Variants in SDK1 observed in about 807,000 individuals in gnomAD.
The protein encoded by SDK1 is sidekick cell adhesion molecule 1.
Under a neutral mutation model 245.5 loss-of-function variants are expected in SDK1, and 157 were observed. The observed-to-expected ratio is 0.64, with a 90% CI of 0.56 to 0.73. The LOEUF is 0.73. Among genes scored for constraint, SDK1 ranks in the 30% least tolerant of loss-of-function variants. The probability of loss-of-function intolerance (pLI) is 0.00; values close to 1 mark genes in which losing one functional copy is unlikely to be tolerated. For synonymous variants in SDK1, 1,647 were observed against 1,278.5 expected (o/e 1.29, Z -6.15); for missense variants, 3,583 against 3,002.3 (o/e 1.19, Z -4.52).
intron 14 of SDK1, among the ~76,000 whole-genome samples, chr7:3,995,005 T>C (rs1279742069): frequency 1.3e-5 from 2 of 152,190 alleles, no homozygotes; most frequent in African/African-American, 4.8e-5. Flanking sequence ...ACATGGCCCA[T>C]GTCCTCCCTA....
intron 1 of SDK1, among the ~76,000 whole-genome samples, chr7:3,556,463 A>G (rs1026233414): frequency 6.6e-6 from 1 of 152,132 alleles, no homozygotes; most frequent in African/African-American, 2.4e-5. Flanking sequence ...TATAGTTAGA[A>G]TGAATAAGAT....
chr7:4,028,460 G>T (rs565916055), intron 17 of SDK1, among the ~76,000 whole-genome samples: 4 of 152,310 alleles, frequency 2.6e-5, no homozygotes, highest in South Asian at 4.1e-4. Flanking sequence ...CCTCAACTGT[G>T]TCTCAGGAAA....
At chr7:4,163,822 C>G (rs1781324527) in intron 32 of SDK1, among the ~76,000 whole-genome samples, 1 of 152,198 alleles carries the variant, frequency 6.6e-6, no homozygotes, top group Non-Finnish European at 1.5e-5. Context: ...TCCGCTTTCA[C>G]CCTCTTGCTG....
intron 1 of SDK1, among the ~76,000 whole-genome samples, chr7:3,556,378 G>A (rs1779588082): frequency 6.6e-6 from 1 of 152,136 alleles, no homozygotes; most frequent in South Asian, 2.1e-4. Context: ...TGGAGATAAA[G>A]GGTAGAATGG....
At chr7:4,032,653 A>G (rs1787909109) in intron 17 of SDK1, among the ~76,000 whole-genome samples, 3 of 152,264 alleles carry the variant, frequency 2.0e-5, no homozygotes, top group Admixed American at 2.0e-4. Flanking sequence ...GCATGAAAAA[A>G]CAAACCGACT....
intron 28 of SDK1, among the ~76,000 whole-genome samples, chr7:4,132,715 A>G (rs1009286637): frequency 6.6e-5 from 10 of 152,148 alleles, no homozygotes; most frequent in African/African-American, 2.2e-4. Flanking sequence ...GAGAGAGTGC[A>G]AGACCCTATC....
rs182291095 is a variant in SDK1 at position 3,556,473 on chromosome 7, T to A, written c.299-62607T>A. Among the ~76,000 whole-genome samples the A allele has an allele frequency of 2.0e-4, 31 of 152,178 alleles. 2 individuals are homozygous for A. The East Asian group carries it at 6.0e-3, about 29-fold the overall frequency. ...AAAAATATAGTTAGAATGAATAAGA[T>A]CTAGTATTTCATAGTACAACAGGGT... On this transcript the variant is annotated intron_variant, in intron 1 of 44. Transcript: ENST00000404826.
At chr7:4,136,602 G>A (rs2342506) in intron 28 of SDK1, among the ~76,000 whole-genome samples, 90,361 of 152,090 alleles carry the variant, frequency 0.59, 27,575 homozygotes, top group East Asian at 0.89. Flanking sequence ...TTTCTTTGGG[G>A]GGATGGGGTT....
intron 1 of SDK1, among the ~76,000 whole-genome samples, chr7:3,544,408 A>G (rs1033441663): frequency 2.0e-5 from 3 of 152,250 alleles, no homozygotes; most frequent in Non-Finnish European, 4.4e-5. Context: ...TGTAGAGGGC[A>G]CTGCACCAGG....
At chr7:3,859,023 C>T (rs867548417) in intron 5 of SDK1, among the ~76,000 whole-genome samples, 18 of 149,368 alleles carry the variant, frequency 1.2e-4, no homozygotes, top group Middle Eastern at 6.8e-3. Flanking sequence ...CCACCATGCC[C>T]GGCTAATTTT....
chr7:3,913,583 G>A (rs923198484), intron 5 of SDK1, among the ~76,000 whole-genome samples: 11 of 152,094 alleles, frequency 7.2e-5, no homozygotes, highest in Middle Eastern at 3.4e-3. Flanking sequence ...GTGAGCCACC[G>A]TGCCCGGCCC....
intron 22 of SDK1, among the ~76,000 whole-genome samples, chr7:4,100,614 C>T (rs1782472112): frequency 6.6e-6 from 1 of 152,142 alleles, no homozygotes; most frequent in South Asian, 2.1e-4. Context: ...GGGCATTTGG[C>T]CATCCCCAGC....
At chr7:4,113,714 T>C (rs1783501299) in intron 24 of SDK1, among the ~76,000 whole-genome samples, 1 of 152,224 alleles carries the variant, frequency 6.6e-6, no homozygotes, top group East Asian at 1.9e-4. Context: ...ACCAGAACTC[T>C]AAGTCCTTAA....
chr7:4,143,773 G>T (rs1207823256), intron 28 of SDK1, among the ~76,000 whole-genome samples: 17 of 152,192 alleles, frequency 1.1e-4, no homozygotes. Flanking sequence ...CACCCATGGG[G>T]CTCCAGCCCG....
intron 1 of SDK1, among the ~76,000 whole-genome samples, chr7:3,344,392 A>AT (rs35889272): frequency 2.0e-5 from 3 of 152,012 alleles, no homozygotes; most frequent in Non-Finnish European, 2.9e-5. Context: ...TCAGGATCCA[A>AT]TTTTTTTTCT....
At chr7:4,043,585 G>A (rs1788800421) in intron 17 of SDK1, among the ~76,000 whole-genome samples, 1 of 152,232 alleles carries the variant, frequency 6.6e-6, no homozygotes, top group Non-Finnish European at 1.5e-5. Context: ...TTGTTTCTCT[G>A]TAAACATGGT....
intron 10 of SDK1, among the ~76,000 whole-genome samples, chr7:3,967,864 C>T (rs888834212): frequency 2.6e-5 from 4 of 152,214 alleles, no homozygotes; most frequent in Admixed American, 2.6e-4. Context: ...GTCTGCAGCC[C>T]AGGGCTTGGG....
At chr7:3,535,463 T>C (rs1352091220) in intron 1 of SDK1, among the ~76,000 whole-genome samples, 1 of 152,104 alleles carries the variant, frequency 6.6e-6, no homozygotes, top group Non-Finnish European at 1.5e-5. Flanking sequence ...GGCTGCAGTG[T>C]GGTGTATGGA....
intron 1 of SDK1, among the ~76,000 whole-genome samples, chr7:3,548,762 C>A (rs1165035424): frequency 6.6e-6 from 1 of 152,150 alleles, no homozygotes; most frequent in Non-Finnish European, 1.5e-5. Flanking sequence ...GATTGTACTC[C>A]CATCTTCCTT....
Sources: allele counts gnomAD v4.1 joint callset (sites outside exome capture counted in the v4.1 genomes callset), GRCh38; gene constraint gnomAD v4.1.1; transcripts MANE v1.5; gene names NCBI Gene and HGNC (gene_info 2026-07-23, HGNC 2026-07-21).